Variants in SULT1B1 observed in about 807,000 individuals in gnomAD.
The protein encoded by SULT1B1 is sulfotransferase family 1B member 1.
A neutral mutation model predicts 34.6 loss-of-function variants in SULT1B1; 28 were observed. The observed-to-expected ratio is 0.81, with a 90% confidence interval of 0.60 to 1.11. SULT1B1 has a LOEUF of 1.11. Ranked by LOEUF, SULT1B1 falls within the 50% of genes least tolerant of loss-of-function variation. SULT1B1 has a pLI of 0.00. For synonymous variants in SULT1B1, 147 were observed against 110.2 expected, an observed-to-expected ratio of 1.33 and a Z score of -2.09; for missense variants, 374 against 352.2, an observed-to-expected ratio of 1.06 and a Z score of -0.50.
At chr4:69,748,155 A>G (rs1033368023) in intron 4 of SULT1B1, among the ~76,000 whole-genome samples, 9 of 152,192 alleles carry the variant, frequency 5.9e-5, no homozygotes, top group Admixed American at 2.6e-4. Flanking sequence ...AAACAAAATG[A>G]CAATGATACG....
At position 69,754,737 on chromosome 4, in the gene SULT1B1, A is replaced by G; in HGVS notation, c.210T>C (p.Cys70=). The G allele has an allele frequency of 6.2e-7, 1 of 1,613,308 alleles. No individual in the cohort carries two copies. Among genetic ancestry groups the G allele is most frequent in the Non-Finnish European group, 8.5e-7 (1 of 1,179,416 alleles). Residue 70 remains cysteine, a synonymous_variant, in exon 3 of 8, where the codon TGT becomes TGC. Coordinates refer to ENST00000310613, the MANE Select transcript of SULT1B1 (RefSeq NM_014465.4). ...CTTTTTCAGTAATAAAACCTCGCTT[A>G]CATTTTTCAATATCTCCATCATTTA... ...MILNDGDIEK[C]KRGFITEKVP... is the part of the protein sequence containing the mutation.
At chr4:69,728,529 C>A (rs1717928503) in intron 7 of SULT1B1, among the ~76,000 whole-genome samples, 1 of 151,812 alleles carries the variant, frequency 6.6e-6, no homozygotes, top group African/African-American at 2.4e-5. Context: ...GTATCATTTA[C>A]CTTTGAATCT....
intron 4 of SULT1B1, among the ~76,000 whole-genome samples, chr4:69,740,637 A>G (rs957392862): frequency 6.6e-6 from 1 of 152,196 alleles, no homozygotes; most frequent in African/African-American, 2.4e-5. Flanking sequence ...ACATACAAAT[A>G]CATGTGTCTT....
At chr4:69,731,726 A>G (rs1718088523) in intron 6 of SULT1B1, among the ~76,000 whole-genome samples, 1 of 152,218 alleles carries the variant, frequency 6.6e-6, no homozygotes, top group Non-Finnish European at 1.5e-5. Context: ...AATGCAATGT[A>G]TGTTGCAAGT....
intron 4 of SULT1B1, among the ~76,000 whole-genome samples, chr4:69,746,862 T>C (rs1359003459): frequency 1.3e-5 from 2 of 152,244 alleles, no homozygotes; most frequent in African/African-American, 4.8e-5. Flanking sequence ...TTTCTTTGGA[T>C]GGTGCTTTTT....
intron 4 of SULT1B1, among the ~76,000 whole-genome samples, chr4:69,740,405 T>C (rs956963102): frequency 2.0e-5 from 3 of 152,160 alleles, no homozygotes; most frequent in East Asian, 3.9e-4. Context: ...GCAAGGGAAA[T>C]GCCAGGTACT....
Position 69,744,539 on chromosome 4 carries a change from C to G in SULT1B1, c.375+5182G>C, listed in dbSNP as rs181708104. ...GCCACTCTGGACTATAAAGGTGTTCCTAGCAGTCTCTGCAGGTTCCTTGTA... is the reference window on the plus strand; with the variant it reads ...GCCACTCTGGACTATAAAGGTGTTCGTAGCAGTCTCTGCAGGTTCCTTGTA... On this transcript the variant is annotated intron_variant, in intron 4 of 7. Coordinates refer to ENST00000310613, the MANE Select transcript of SULT1B1 (RefSeq NM_014465.4). Among the ~76,000 whole-genome samples the G allele has an allele frequency of 1.6e-3, 241 of 152,264 alleles. 2 individuals are homozygous for G. The highest frequency in any genetic ancestry group is 5.7e-3 in the African/African-American group (237 of 41,562).
At chr4:69,741,552 G>T (rs924629798) in intron 4 of SULT1B1, among the ~76,000 whole-genome samples, 2 of 151,930 alleles carry the variant, frequency 1.3e-5, no homozygotes, top group African/African-American at 4.8e-5. Context: ...TGTCATTTCT[G>T]GTTTGTTTTA....
rs1470074059 is a variant in SULT1B1 at position 69,722,572 on chromosome 4, A to T, written c.*4516T>A. The T allele has an allele frequency of 6.6e-6, 1 of 152,170 alleles. No individual in the cohort carries two copies. 9.4% of individuals were successfully genotyped at this position (152,170 alleles called of 1,614,324 possible). On this transcript the variant is annotated 3_prime_UTR_variant, in exon 8 of 8. Coordinates refer to ENST00000310613, the MANE Select transcript of SULT1B1 (RefSeq NM_014465.4). Reference sequence around the variant, plus strand: ...TATGTTTCTGTGGAACATAAACACAAATTATATACTCTAAAATACTTTATA... The same window carrying T: ...TATGTTTCTGTGGAACATAAACACATATTATATACTCTAAAATACTTTATA...
In SULT1B1 at chr4:69,754,752, T is replaced by C. The variant is rs753025792; in HGVS notation, c.195A>G (p.Gly65=). Residue 65 remains glycine, a synonymous_variant, in exon 3 of 8, where the codon GGA becomes GGG. Transcript: ENST00000310613. ...SEIIDMILND[G]DIEKCKRGFI... is the part of the protein sequence containing the mutation. ...AACCTCGCTTACATTTTTCAATATCTCCATCATTTAGAATCATGTCTATAA... is the reference window on the plus strand; with the variant it reads ...AACCTCGCTTACATTTTTCAATATCCCCATCATTTAGAATCATGTCTATAA... 6.2e-7 allele frequency: 1 copy of C among 1,613,032 alleles called. No homozygotes were observed. The highest frequency in any genetic ancestry group is 8.5e-7 in the Non-Finnish European group (1 of 1,179,250).
chr4:69,723,906 C>T lies in SULT1B1; in HGVS notation c.*3182G>A, dbSNP rs923435976. ...AAGGAGAGCCCTCTATGACAAACCA[C>T]CAGCCAATATCATACTGCATGGGCA... On this transcript the variant is annotated 3_prime_UTR_variant, in exon 8 of 8. Coordinates refer to ENST00000310613, the MANE Select transcript of SULT1B1 (RefSeq NM_014465.4). 1 of 152,248 alleles carries T rather than the reference C, an allele frequency of 6.6e-6. No individual in the cohort carries two copies. Among genetic ancestry groups the T allele is most frequent in the African/African-American group, 2.4e-5 (1 of 41,550 alleles). 9.4% of individuals were successfully genotyped at this position (152,248 alleles called of 1,614,324 possible).
chr4:69,753,689 C>A (rs1229163444), intron 3 of SULT1B1, among the ~76,000 whole-genome samples: 3 of 152,154 alleles, frequency 2.0e-5, no homozygotes, highest in Admixed American at 6.5e-5. Context: ...GTAGATACCC[C>A]TTGTTAAATT....
intron 4 of SULT1B1, among the ~76,000 whole-genome samples, chr4:69,737,841 A>T (rs1377554640): frequency 2.6e-5 from 4 of 152,234 alleles, no homozygotes; most frequent in African/African-American, 9.6e-5. Context: ...AAGTCCTAAA[A>T]TGCCAATAAT....
At chr4:69,758,772 C>A (rs550719301) in intron 1 of SULT1B1, among the ~76,000 whole-genome samples, 10 of 152,260 alleles carry the variant, frequency 6.6e-5, no homozygotes, top group African/African-American at 2.4e-4. Flanking sequence ...TTTCTGGTTC[C>A]ATTTCATGTC....
At chr4:69,736,631 A>G (rs1207986530) in intron 4 of SULT1B1, among the ~76,000 whole-genome samples, 1 of 152,226 alleles carries the variant, frequency 6.6e-6, no homozygotes, top group Admixed American at 6.5e-5. Flanking sequence ...GAAAAAATAG[A>G]AAAGAAATTG....
chr4:69,734,373 A>G, intron 4 of SULT1B1, 109 bp from the exon 5 acceptor site: 1 of 1,276,444 alleles, frequency 7.8e-7, no homozygotes, highest in South Asian at 1.5e-5. Context: ...TTCAAATAGA[A>G]ATTGTGGGCC....
intron 6 of SULT1B1, 77 bp downstream of exon 6, chr4:69,733,336 G>A (rs1004130064): frequency 6.7e-6 from 7 of 1,044,160 alleles, no homozygotes; most frequent in Non-Finnish European, 8.2e-6. Context: ...GATAGACTAA[G>A]TTGGAAAGCA....
chr4:69,727,231 A>G, intron 7 of SULT1B1, 31 bp from the exon 8 acceptor site: 1 of 1,549,802 alleles, frequency 6.5e-7, no homozygotes, highest in Non-Finnish European at 8.8e-7. Flanking sequence ...ATAGGAAAGA[A>G]TAAAATATTT....
At chr4:69,741,242 A>G (rs1263591239) in intron 4 of SULT1B1, among the ~76,000 whole-genome samples, 3 of 152,112 alleles carry the variant, frequency 2.0e-5, no homozygotes, top group Non-Finnish European at 4.4e-5. Flanking sequence ...TTCCATTGGT[A>G]TATGTGTCTG....
Sources: gnomAD v4.1 joint callset for allele counts (sites outside exome capture counted in the v4.1 genomes callset) on GRCh38, gnomAD v4.1.1 for gene constraint, MANE v1.5 for transcripts, NCBI Gene and HGNC (gene_info 2026-07-23, HGNC 2026-07-21) for gene names.